The following POMP variants were observed in gnomAD, a reference collection of about 807,000 sequenced individuals.
POMP encodes 2510048O06Rik.
POMP carries 12 observed loss-of-function variants against 20.6 expected under a neutral mutation model. That is an observed-to-expected ratio of 0.58 (90% CI 0.37 to 0.94). POMP has a LOEUF of 0.94. POMP is among the 40% of genes least tolerant of loss of function. POMP has a pLI of 0.01. For missense variants in POMP, 136 were observed against 161.1 expected, an observed-to-expected ratio of 0.84 and a Z score of 0.84; for synonymous variants, 53 against 55.0, an observed-to-expected ratio of 0.96 and a Z score of 0.16.
In POMP at chr13:28,678,293, C is replaced by G; in HGVS notation, c.*191C>G. ...ACAATTAAAAGCACTAAAGGGAGAT[C>G]ATGTTAAAGCTCTTAATTTATATTA... On this transcript the variant is annotated 3_prime_UTR_variant, in exon 6 of 6. Coordinates refer to ENST00000380842, the MANE Select transcript of POMP (RefSeq NM_015932.6). 3.3e-6 allele frequency: 2 copies of G among 601,658 alleles called. No homozygotes were observed. Among genetic ancestry groups the G allele is most frequent in the Admixed American group, 2.8e-5 (1 of 35,196 alleles). The allele number at this position is 601,658 out of a possible 1,614,324, so 37.3% of individuals were successfully genotyped here.
intron 2 of POMP, among the ~76,000 whole-genome samples, 176 bp from the exon 3 acceptor site, chr13:28,664,333 A>C (rs1365014211): frequency 6.6e-6 from 1 of 151,062 alleles, no homozygotes; most frequent in African/African-American, 2.4e-5. Flanking sequence ...GTGTAGGTCT[A>C]TGAATTTTTA....
At chr13:28,664,187 A>G (rs1428330275) in intron 2 of POMP, among the ~76,000 whole-genome samples, 3 of 152,264 alleles carry the variant, frequency 2.0e-5, no homozygotes, top group Non-Finnish European at 4.4e-5. Flanking sequence ...AGCAATAAAC[A>G]TACATTCATT....
chr13:28,661,622 T>C (rs1884342927), intron 1 of POMP, among the ~76,000 whole-genome samples: 1 of 152,224 alleles, frequency 6.6e-6, no homozygotes, highest in Non-Finnish European at 1.5e-5. Context: ...AGATGGCTAA[T>C]AAGTATCTGG....
At position 28,678,287 on chromosome 13, in the gene POMP, G is replaced by T; in HGVS notation, c.*185G>T. On this transcript the variant is annotated 3_prime_UTR_variant, in exon 6 of 6. Transcript: ENST00000380842. ...CATGTGACAATTAAAAGCACTAAAGGGAGATCATGTTAAAGCTCTTAATTT... is the reference window on the plus strand; with the variant it reads ...CATGTGACAATTAAAAGCACTAAAGTGAGATCATGTTAAAGCTCTTAATTT... 1 of 633,378 alleles carries T rather than the reference G, an allele frequency of 1.6e-6. No homozygotes were observed. The allele number at this position is 633,378 out of a possible 1,614,324, so 39.2% of individuals were successfully genotyped here.
chr13:28,666,888 C>T (rs1884457920), intron 3 of POMP, among the ~76,000 whole-genome samples: 1 of 152,120 alleles, frequency 6.6e-6, no homozygotes, highest in Non-Finnish European at 1.5e-5. Context: ...TTTAGGTTGT[C>T]ACAAGTGGTG....
chr13:28,659,839 A>G (rs1884302975), intron 1 of POMP: 1 of 152,772 alleles, frequency 6.5e-6, no homozygotes, highest in Non-Finnish European at 1.5e-5. Context: ...ATTTGAGAAG[A>G]ACACTGAGTC....
intron 5 of POMP, among the ~76,000 whole-genome samples, chr13:28,673,811 G>A (rs1884588566): frequency 6.6e-6 from 1 of 152,224 alleles, no homozygotes; most frequent in South Asian, 2.1e-4. Flanking sequence ...GAGGGACTTA[G>A]GAGCATTTAT....
At chr13:28,676,795 C>G (rs1050257103) in intron 5 of POMP, among the ~76,000 whole-genome samples, 1 of 152,134 alleles carries the variant, frequency 6.6e-6, no homozygotes, top group African/African-American at 2.4e-5. Context: ...TGGAAGGGGA[C>G]TTTCATGTAC....
intron 5 of POMP, among the ~76,000 whole-genome samples, chr13:28,676,864 CAG>C (rs1194430445): frequency 6.6e-6 from 1 of 152,194 alleles, no homozygotes; most frequent in Non-Finnish European, 1.5e-5. Context: ...AGTCCTCACT[CAG>C]AGTCTCACGG....
At chr13:28,670,065 G>A (rs993634321) in intron 4 of POMP, among the ~76,000 whole-genome samples, 17 of 152,100 alleles carry the variant, frequency 1.1e-4, no homozygotes, top group African/African-American at 3.9e-4. Flanking sequence ...AGCCGAGATC[G>A]TGCCACTACA....
chr13:28,662,785 A>C (rs1219971800), intron 2 of POMP, among the ~76,000 whole-genome samples: 1 of 152,170 alleles, frequency 6.6e-6, no homozygotes, highest in Non-Finnish European at 1.5e-5. Context: ...TGCTACTGAT[A>C]ACTTAGCCAT....
At chr13:28,667,054 C>T (rs546092759) in intron 3 of POMP, among the ~76,000 whole-genome samples, 203 of 152,326 alleles carry the variant, frequency 1.3e-3, no homozygotes, top group Non-Finnish European at 2.5e-3. Context: ...TACATAATGT[C>T]TTCCAAACTG....
intron 3 of POMP, among the ~76,000 whole-genome samples, chr13:28,665,756 C>T (rs1259375849): frequency 6.6e-6 from 1 of 152,192 alleles, no homozygotes; most frequent in Admixed American, 6.5e-5. Flanking sequence ...CACTCTTTTA[C>T]TCAGTTGCCA....
chr13:28,670,557 C>T (rs1361906847), intron 4 of POMP, among the ~76,000 whole-genome samples: 3 of 152,188 alleles, frequency 2.0e-5, no homozygotes, highest in Non-Finnish European at 4.4e-5. Context: ...ACTTTACCCT[C>T]TAAATAAAAA....
intron 5 of POMP, among the ~76,000 whole-genome samples, chr13:28,673,009 A>G (rs78849492): frequency 0.019 from 2,847 of 151,500 alleles, 78 homozygotes; most frequent in African/African-American, 0.065. Context: ...TTTAAAAAGT[A>G]GCTCCCCAAA....
At chr13:28,667,414 T>A (rs549166409) in intron 3 of POMP, among the ~76,000 whole-genome samples, 11 of 152,254 alleles carry the variant, frequency 7.2e-5, no homozygotes, top group Admixed American at 6.5e-5. Context: ...AATTGTATTA[T>A]CATGAGGATA....
Position 28,672,324 on chromosome 13 carries a change from T to A in POMP, c.265-15T>A. The A allele has an allele frequency of 6.4e-7, 1 of 1,566,332 alleles. No individual in the cohort carries two copies. Among genetic ancestry groups the A allele is most frequent in the South Asian group, 1.1e-5 (1 of 90,052 alleles). On this transcript the variant is annotated splice_polypyrimidine_tract_variant and intron_variant, in intron 4 of 5. Coordinates refer to ENST00000380842, the MANE Select transcript of POMP (RefSeq NM_015932.6). ...AGTTTTTTCTAATCTTGTCCCTTCA[T>A]ACTTTTCCCCAAAGGTTCAGCGTCT...
intron 2 of POMP, among the ~76,000 whole-genome samples, chr13:28,662,992 A>G (rs1195787974): frequency 6.6e-6 from 1 of 152,192 alleles, no homozygotes. Context: ...GCCTAATAAT[A>G]GTCTGTATCT....
chr13:28,678,191 G>C lies in POMP; in HGVS notation c.*89G>C. On this transcript the variant is annotated 3_prime_UTR_variant, in exon 6 of 6. Coordinates refer to ENST00000380842, the MANE Select transcript of POMP (RefSeq NM_015932.6). The stretch of plus-strand genomic sequence containing the variant: ...TGATGTACACAACATTAAAAGTACT[G>C]ACACCTGAGAATTTCTGCTCAAGTA... 7.7e-7 allele frequency: 1 copy of C among 1,303,604 alleles called. No individual in the cohort carries two copies. The highest frequency in any genetic ancestry group is 1.1e-6 in the Non-Finnish European group (1 of 901,218). The allele number at this position is 1,303,604 out of a possible 1,614,324, so 80.8% of individuals were successfully genotyped here.
Sources: gnomAD v4.1 joint callset for allele counts (sites outside exome capture counted in the v4.1 genomes callset) on GRCh38, gnomAD v4.1.1 for gene constraint, MANE v1.5 for transcripts, NCBI Gene and HGNC (gene_info 2026-07-23, HGNC 2026-07-21) for gene names.